The following LPAR1 variants were observed in gnomAD, a reference collection of about 807,000 sequenced individuals.
LPAR1 encodes the protein LPA receptor 1.
Under a neutral mutation model 23.8 loss-of-function variants are expected in LPAR1, and 5 were observed. That is an observed-to-expected ratio of 0.21 (90% CI 0.11 to 0.44). The LOEUF is 0.44. Among genes scored for constraint, LPAR1 ranks in the 20% least tolerant of loss-of-function variants. The probability of loss-of-function intolerance (pLI) is 0.99; values close to 1 mark genes in which losing one functional copy is unlikely to be tolerated. For synonymous variants in LPAR1, 160 were observed against 164.7 expected (o/e 0.97, Z 0.22); for missense variants, 311 against 482.8 (o/e 0.64, Z 3.33).
At chr9:111,005,151 CAAAAAAAAA>C (rs71371700) in intron 2 of LPAR1, among the ~76,000 whole-genome samples, 1 of 74,292 alleles carries the variant, frequency 1.3e-5, no homozygotes, top group Non-Finnish European at 2.5e-5. Context: ...GACAAAGTCT[CAAAAAAAAA>C]AAAAAAAAAA....
At chr9:110,876,255 C>T (rs1237843776) in intron 5 of LPAR1, among the ~76,000 whole-genome samples, 1 of 152,174 alleles carries the variant, frequency 6.6e-6, no homozygotes, top group Admixed American at 6.5e-5. Flanking sequence ...ATTATATTTA[C>T]ACCTCATAAG....
At chr9:110,965,156 C>T (rs1446632831) in intron 4 of LPAR1, among the ~76,000 whole-genome samples, 4 of 152,044 alleles carry the variant, frequency 2.6e-5, no homozygotes, top group Admixed American at 6.6e-5. Context: ...GTGTGAGCCA[C>T]AGCACCCAGC....
intron 2 of LPAR1, among the ~76,000 whole-genome samples, chr9:111,032,876 T>TC (rs778679062): frequency 1.3e-5 from 2 of 152,120 alleles, no homozygotes; most frequent in Non-Finnish European, 2.9e-5. Context: ...CAGCTGGAAA[T>TC]CCCACCCATG....
At chr9:110,939,277 CCA>C in intron 5 of LPAR1, among the ~76,000 whole-genome samples, 1 of 152,290 alleles carries the variant, frequency 6.6e-6, no homozygotes, top group Admixed American at 6.5e-5. Flanking sequence ...CACTCCCTGC[CCA>C]CATCCTGCCC....
intron 5 of LPAR1, among the ~76,000 whole-genome samples, chr9:110,888,979 G>A (rs937130943): frequency 1.3e-5 from 2 of 152,166 alleles, no homozygotes; most frequent in African/African-American, 4.8e-5. Context: ...ACTGAATACT[G>A]CAAGGATATA....
At chr9:111,025,658 T>G (rs1312876754) in intron 2 of LPAR1, among the ~76,000 whole-genome samples, 1 of 152,178 alleles carries the variant, frequency 6.6e-6, no homozygotes, top group Non-Finnish European at 1.5e-5. Context: ...TGGGTTTTCT[T>G]TTAGGGTTTT....
intron 4 of LPAR1, among the ~76,000 whole-genome samples, chr9:110,954,218 AC>A (rs2095661677): frequency 6.6e-6 from 1 of 152,214 alleles, no homozygotes; most frequent in Non-Finnish European, 1.5e-5. Flanking sequence ...ATCAAGGAGA[AC>A]AATTTCAGAA....
At chr9:110,897,188 C>A (rs2086706370) in intron 5 of LPAR1, among the ~76,000 whole-genome samples, 2 of 152,164 alleles carry the variant, frequency 1.3e-5, no homozygotes, top group African/African-American at 4.8e-5. Context: ...CCATAATTCC[C>A]ATGTGTTGCG....
At chr9:110,888,581 A>T (rs970763042) in intron 5 of LPAR1, among the ~76,000 whole-genome samples, 72 of 145,914 alleles carry the variant, frequency 4.9e-4, no homozygotes, top group African/African-American at 1.8e-3. Context: ...AAAAAAAAAA[A>T]TCTGCCTTCA....
intron 2 of LPAR1, among the ~76,000 whole-genome samples, chr9:111,023,337 C>T (rs750287121): frequency 5.3e-5 from 8 of 152,162 alleles, no homozygotes; most frequent in Non-Finnish European, 1.2e-4. Context: ...CAATCCCACG[C>T]ACACACCCCT....
At chr9:110,903,837 T>C (rs2090192171) in intron 5 of LPAR1, among the ~76,000 whole-genome samples, 1 of 119,328 alleles carries the variant, frequency 8.4e-6, no homozygotes, top group Non-Finnish European at 1.7e-5. Context: ...CCCAAAGAAA[T>C]CCATACCAGG....
Position 110,972,111 on chromosome 9 carries a change from C to T in LPAR1, c.7G>A (p.Ala3Thr). Residue 3 changes from alanine to threonine, a missense_variant, in exon 4 of 6, where the codon GCC becomes ACC. Physicochemically the swap from Ala to Thr is moderately conservative, Grantham distance 58. Transcript: ENST00000683809. ...ATTACAGGGATGGAAGTAGAGATGG[C>T]AGCCATGACAGCTCTGTGGTTGTAG... is the stretch of plus-strand genomic sequence containing the variant. MA[A>T]ISTSIPVISQ... The T allele has an allele frequency of 6.2e-7, 1 of 1,613,892 alleles. No homozygotes were observed. The highest frequency in any genetic ancestry group is 8.5e-7 in the Non-Finnish European group (1 of 1,179,820).
chr9:110,994,797 CA>C (rs1374264207), intron 2 of LPAR1, among the ~76,000 whole-genome samples: 2 of 152,112 alleles, frequency 1.3e-5, no homozygotes, highest in African/African-American at 4.8e-5. Context: ...TTACAAAGTA[CA>C]TGACTACCCC....
intron 4 of LPAR1, among the ~76,000 whole-genome samples, chr9:110,954,188 AACAACAG>A (rs1352742632): frequency 6.6e-6 from 1 of 152,186 alleles, no homozygotes; most frequent in Non-Finnish European, 1.5e-5. Flanking sequence ...AAAAAGCTTC[AACAACAG>A]ACAACAGACA....
At chr9:110,927,565 A>G (rs2094130993) in intron 5 of LPAR1, among the ~76,000 whole-genome samples, 1 of 152,166 alleles carries the variant, frequency 6.6e-6, no homozygotes, top group African/African-American at 2.4e-5. Flanking sequence ...AAAGTTAAGA[A>G]AAGTAGGAAA....
rs951692552 is a variant in LPAR1 at position 110,873,368 on chromosome 9, C to A, written c.*2053G>T. On this transcript the variant is annotated 3_prime_UTR_variant, in exon 6 of 6. Transcript: ENST00000683809. ...CATGTGTAAAAGTCCACGTTCATTTCTTTCACTTCCAATATAAAGTATTCT... is the reference window on the plus strand; with the variant it reads ...CATGTGTAAAAGTCCACGTTCATTTATTTCACTTCCAATATAAAGTATTCT... 1 of 152,192 alleles carries A rather than the reference C, an allele frequency of 6.6e-6. No individual in the cohort carries two copies. The highest frequency in any genetic ancestry group is 6.5e-5 in the Admixed American group (1 of 15,276). The allele number at this position is 152,192 out of a possible 1,614,324, so 9.4% of individuals were successfully genotyped here. A position where few individuals can be genotyped will look rare whatever the true frequency, so the allele number is the denominator to read the frequency against.
At chr9:110,929,052 G>A (rs2094226218) in intron 5 of LPAR1, among the ~76,000 whole-genome samples, 1 of 152,080 alleles carries the variant, frequency 6.6e-6, no homozygotes, top group Non-Finnish European at 1.5e-5. Flanking sequence ...AGTCTACTTG[G>A]GCAGAATAAA....
intron 2 of LPAR1, among the ~76,000 whole-genome samples, chr9:110,985,585 G>A (rs2096763821): frequency 6.6e-6 from 1 of 152,056 alleles, no homozygotes; most frequent in African/African-American, 2.4e-5. Context: ...TATTCTAGAA[G>A]CTGGAGAAAC....
At chr9:110,987,148 G>T (rs1240746351) in intron 2 of LPAR1, among the ~76,000 whole-genome samples, 2 of 151,984 alleles carry the variant, frequency 1.3e-5, no homozygotes, top group Non-Finnish European at 2.9e-5. Flanking sequence ...AAAGGACAAA[G>T]AATTTGCTAC....
Sources: gnomAD v4.1 joint callset for allele counts (sites outside exome capture counted in the v4.1 genomes callset) on GRCh38, gnomAD v4.1.1 for gene constraint, MANE v1.5 for transcripts, NCBI Gene and HGNC (gene_info 2026-07-23, HGNC 2026-07-21) for gene names.